Variants in ODAD2 observed in about 807,000 individuals in gnomAD.
The protein encoded by ODAD2 is outer dynein arm-docking complex subunit 2.
ODAD2 carries 89 observed loss-of-function variants against 106.8 expected under a neutral mutation model. The ratio of observed to expected loss-of-function variants is 0.83; its 90% CI spans 0.70 to 0.99. The LOEUF is 0.99. Ranked by LOEUF, ODAD2 falls within the 50% of genes least tolerant of loss-of-function variation. ODAD2 has a pLI of 0.00. For missense variants in ODAD2, 1,168 were observed against 1,238.5 expected, an observed-to-expected ratio of 0.94 and a Z score of 0.85; for synonymous variants, 404 against 436.2, an observed-to-expected ratio of 0.93 and a Z score of 0.92.
At chr10:27,907,834 T>G in intron 16 of ODAD2, 57 bp from the exon 17 acceptor site, 1 of 1,153,364 alleles carries the variant, frequency 8.7e-7, no homozygotes. Context: ...AAGACAAACA[T>G]TTTAATGACC....
At chr10:27,993,974 ATGTGTGTGTG>A (rs56017872) in intron 2 of ODAD2, among the ~76,000 whole-genome samples, 9 of 140,546 alleles carry the variant, frequency 6.4e-5, no homozygotes, top group African/African-American at 1.1e-4. Context: ...ATATATATAT[ATGTGTGTGTG>A]TGTGTGTGTG....
chr10:27,914,267 G>A (rs1284182846), intron 16 of ODAD2, among the ~76,000 whole-genome samples: 1 of 151,982 alleles, frequency 6.6e-6, no homozygotes, highest in African/African-American at 2.4e-5. Context: ...TGCTGAGTTT[G>A]GTCCTTTAAT....
chr10:27,831,140 G>T (rs558174282), intron 19 of ODAD2, among the ~76,000 whole-genome samples: 1 of 152,308 alleles, frequency 6.6e-6, no homozygotes, highest in Admixed American at 6.5e-5. Flanking sequence ...CATCTGCCTT[G>T]TGCTTGGATG....
intron 16 of ODAD2, among the ~76,000 whole-genome samples, chr10:27,912,416 T>A (rs1468842652): frequency 2.6e-5 from 4 of 152,044 alleles, no homozygotes; most frequent in African/African-American, 9.7e-5. Flanking sequence ...TAAAAAAAAA[T>A]AAACAAACCA....
In ODAD2 at chr10:27,819,807, T is replaced by A. The variant is rs577453060; in HGVS notation, c.3022-7182A>T. ...AGGAAGGAGTGATCAGCACAATGCA[T>A]CTAGATTTAAGAGACCTTATCTCTT... On this transcript the variant is annotated intron_variant, in intron 19 of 19. Coordinates refer to ENST00000305242, the MANE Select transcript of ODAD2 (RefSeq NM_018076.5). Among the ~76,000 whole-genome samples, 17 of 146,740 alleles carry A rather than the reference T, an allele frequency of 1.2e-4. No individual in the cohort carries two copies. The South Asian group carries it at 3.3e-3, about 28-fold the overall frequency.
chr10:27,981,111 T>C (rs1849514355), intron 7 of ODAD2, among the ~76,000 whole-genome samples: 1 of 152,032 alleles, frequency 6.6e-6, no homozygotes, highest in Non-Finnish European at 1.5e-5. Context: ...ACATGAAATA[T>C]CTAAAATAAG....
At chr10:27,953,764 T>G (rs935741695) in intron 10 of ODAD2, among the ~76,000 whole-genome samples, 1 of 152,214 alleles carries the variant, frequency 6.6e-6, no homozygotes, top group African/African-American at 2.4e-5. Context: ...ACTTTCACTT[T>G]GCATGGCTTG....
intron 9 of ODAD2, 93 bp from the exon 10 acceptor site, chr10:27,961,808 T>G: frequency 2.8e-6 from 3 of 1,078,040 alleles, no homozygotes; most frequent in Non-Finnish European, 4.0e-6. Flanking sequence ...CTCATGCCTA[T>G]AATCTCAGTG....
At chr10:27,873,040 A>C (rs1252601799) in intron 17 of ODAD2, among the ~76,000 whole-genome samples, 2 of 136,626 alleles carry the variant, frequency 1.5e-5, no homozygotes, top group Non-Finnish European at 3.3e-5. Flanking sequence ...CAGAGCAACA[A>C]TTGGTCTATT....
chr10:27,976,487 TAA>T (rs1050125574), intron 7 of ODAD2, among the ~76,000 whole-genome samples: 4 of 152,080 alleles, frequency 2.6e-5, no homozygotes, highest in African/African-American at 9.7e-5. Context: ...ATAGAAAATT[TAA>T]AACTCATTAA....
intron 17 of ODAD2, among the ~76,000 whole-genome samples, chr10:27,879,509 A>C (rs1841565939): frequency 6.6e-6 from 1 of 152,020 alleles, no homozygotes; most frequent in Admixed American, 6.6e-5. Flanking sequence ...CCACAGATTA[A>C]GAAGAGAAAA....
chr10:27,871,181 T>C (rs1331878938), intron 17 of ODAD2, among the ~76,000 whole-genome samples: 1 of 152,196 alleles, frequency 6.6e-6, no homozygotes, highest in South Asian at 2.1e-4. Context: ...TCATATCCTT[T>C]GTTCACTTTT....
chr10:27,948,760 A>G (rs1038714643), intron 10 of ODAD2, among the ~76,000 whole-genome samples: 2 of 131,510 alleles, frequency 1.5e-5, no homozygotes, highest in Non-Finnish European at 3.2e-5. Flanking sequence ...AAACATCTCC[A>G]GGCTCTGTTG....
chr10:27,859,395 A>T (rs1839885015), intron 19 of ODAD2, among the ~76,000 whole-genome samples: 3 of 152,218 alleles, frequency 2.0e-5, no homozygotes, highest in Non-Finnish European at 4.4e-5. Flanking sequence ...AATTAACATC[A>T]TATTCTTCTA....
chr10:27,942,464 A>C (rs574947237), intron 12 of ODAD2, among the ~76,000 whole-genome samples: 2 of 152,274 alleles, frequency 1.3e-5, no homozygotes, highest in East Asian at 1.9e-4. Flanking sequence ...TGGTTTTGTT[A>C]CATGTTGTTT....
At chr10:27,953,944 A>T (rs1767069711) in intron 10 of ODAD2, among the ~76,000 whole-genome samples, 1 of 152,200 alleles carries the variant, frequency 6.6e-6, no homozygotes, top group Non-Finnish European at 1.5e-5. Flanking sequence ...AGGGAGCAAG[A>T]GCTGGGAAGA....
chr10:27,851,964 A>G (rs1839295121), intron 19 of ODAD2, among the ~76,000 whole-genome samples: 3 of 152,364 alleles, frequency 2.0e-5, no homozygotes, highest in South Asian at 2.1e-4. Context: ...AGGAACAAAC[A>G]TAAGCATGAT....
rs527313059 is a variant in ODAD2, at chr10:27,859,602, T to G, written c.3021+1023A>C. Reference sequence around the variant, plus strand: ...ATCTGTTTTAAGATGTAAATGCATCTGGTTGTCATAGGCTCCAAATGAAGG... The same window carrying G: ...ATCTGTTTTAAGATGTAAATGCATCGGGTTGTCATAGGCTCCAAATGAAGG... On this transcript the variant is annotated intron_variant, in intron 19 of 19. Coordinates refer to ENST00000305242, the MANE Select transcript of ODAD2 (RefSeq NM_018076.5). 2.3e-4 allele frequency among the ~76,000 whole-genome samples: 35 copies of G among 152,318 alleles called. 1 individual carries two copies. In the South Asian group the frequency reaches 3.5e-3, roughly 15 times the overall value.
chr10:27,900,501 T>C (rs1362226687), intron 17 of ODAD2, among the ~76,000 whole-genome samples: 1 of 151,968 alleles, frequency 6.6e-6, no homozygotes, highest in East Asian at 1.9e-4. Flanking sequence ...AGGTGAGTAA[T>C]AACAAACTCG....
Sources: gnomAD v4.1 joint callset for allele counts (sites outside exome capture counted in the v4.1 genomes callset) on GRCh38, gnomAD v4.1.1 for gene constraint, MANE v1.5 for transcripts, NCBI Gene and HGNC (gene_info 2026-07-23, HGNC 2026-07-21) for gene names.